The following ARMC9 variants were observed in gnomAD, a reference collection of about 807,000 sequenced individuals.
ARMC9 encodes armadillo repeat containing 9.
ARMC9 carries 94 observed loss-of-function variants against 107.0 expected under a neutral mutation model. The ratio of observed to expected loss-of-function variants is 0.88; its 90% CI spans 0.74 to 1.04. The LOEUF (loss-of-function observed/expected upper bound fraction) is 1.04, where lower values mean the gene tolerates loss of function less well. ARMC9 is among the 50% of genes least tolerant of loss of function. The probability of loss-of-function intolerance (pLI) is 0.00; values close to 1 mark genes in which losing one functional copy is unlikely to be tolerated. For missense variants in ARMC9, 942 were observed against 1,030.1 expected (o/e 0.91, Z 1.17); for synonymous variants, 380 against 396.9 (o/e 0.96, Z 0.51).
Position 231,358,538 on chromosome 2 carries a change from C to A in ARMC9, c.2132-2216C>A, listed in dbSNP as rs1378704910. On this transcript the variant is annotated intron_variant, in intron 22 of 24. Transcript: ENST00000611582. The surrounding 1 kb of genome is among the most constrained non-coding windows in gnomAD (Gnocchi z 4.5). ...CACCTTGCCCCAGGCCCATCCTGGC[C>A]CCAGGCAGCGCTCCCCACAGGTCTC... Among the ~76,000 whole-genome samples, 1 of 152,174 alleles carries A rather than the reference C, an allele frequency of 6.6e-6. No individual in the cohort carries two copies. The highest frequency in any genetic ancestry group is 1.5e-5 in the Non-Finnish European group (1 of 68,038).
chr2:231,350,185 C>G (rs1575160973), intron 21 of ARMC9, among the ~76,000 whole-genome samples: 1 of 152,030 alleles, frequency 6.6e-6, no homozygotes, highest in African/African-American at 2.4e-5. Flanking sequence ...GCCACCACAC[C>G]TGGCTAATTT....
intron 4 of ARMC9, among the ~76,000 whole-genome samples, chr2:231,215,681 G>A (rs561268266): frequency 3.3e-5 from 5 of 152,348 alleles, no homozygotes; most frequent in South Asian, 2.1e-4. Context: ...CAGAAGGGCA[G>A]CAGAGGCAAG....
intron 19 of ARMC9, among the ~76,000 whole-genome samples, chr2:231,301,999 C>A (rs62197353): frequency 6.6e-6 from 1 of 151,958 alleles, no homozygotes; most frequent in African/African-American, 2.4e-5. Flanking sequence ...TAAATATATT[C>A]GCTTTTATTT....
rs147424496 is a variant in ARMC9 at position 231,267,541 on chromosome 2, A to T, written c.1120-3441A>T. 4.1e-3 allele frequency among the ~76,000 whole-genome samples: 618 copies of T among 152,238 alleles called. 1 individual carries two copies. The highest frequency in any genetic ancestry group is 6.6e-3 in the Non-Finnish European group (447 of 68,012). On this transcript the variant is annotated intron_variant, in intron 12 of 24. Coordinates refer to ENST00000611582, the MANE Select transcript of ARMC9 (RefSeq NM_001352754.2). ...CCACTGCACCCGGCCCGGCAGCAAT[A>T]TTTATGCCTAAGGGCAATGGTGAGC...
chr2:231,321,093 A>C (rs1346194455), intron 19 of ARMC9, among the ~76,000 whole-genome samples: 2 of 152,244 alleles, frequency 1.3e-5, no homozygotes, highest in Admixed American at 6.5e-5. Context: ...TAAAGCGAGA[A>C]TATTAATACC....
At chr2:231,298,927 C>T (rs1040305857) in intron 19 of ARMC9, among the ~76,000 whole-genome samples, 4 of 152,070 alleles carry the variant, frequency 2.6e-5, no homozygotes, top group African/African-American at 9.7e-5. Flanking sequence ...AAGCAAGACC[C>T]CATCTCAAAA....
intron 9 of ARMC9, among the ~76,000 whole-genome samples, chr2:231,243,853 C>T (rs1451941678): frequency 1.3e-5 from 2 of 152,144 alleles, no homozygotes; most frequent in Non-Finnish European, 2.9e-5. Context: ...AATTAAGAAA[C>T]AGTTTAGATG....
chr2:231,336,394 G>A (rs2044090976), intron 20 of ARMC9, among the ~76,000 whole-genome samples: 2 of 152,084 alleles, frequency 1.3e-5, no homozygotes, highest in South Asian at 2.1e-4. Flanking sequence ...AGAGGAGGGC[G>A]CTGAGGCTGA....
intron 9 of ARMC9, among the ~76,000 whole-genome samples, chr2:231,245,764 G>A (rs2036703617): frequency 1.3e-5 from 2 of 152,198 alleles, no homozygotes; most frequent in East Asian, 3.8e-4. Context: ...TTGTAATGGT[G>A]TAGTATGCAT....
At chr2:231,356,017 C>T (rs576648274) in intron 22 of ARMC9, 83 bp downstream of exon 22, 13 of 1,450,324 alleles carry the variant, frequency 9.0e-6, no homozygotes, top group East Asian at 2.5e-5. Context: ...GAGTGGCAGA[C>T]GCACGTCTGC....
intron 23 of ARMC9, among the ~76,000 whole-genome samples, chr2:231,366,030 G>A (rs2045802731): frequency 6.6e-6 from 1 of 152,190 alleles, no homozygotes; most frequent in Non-Finnish European, 1.5e-5. Context: ...GGCTTAAGGT[G>A]TATTAGTTAG....
At position 231,215,312 on chromosome 2, in the gene ARMC9, T is replaced by C. The variant is rs567849334; in HGVS notation, c.348+311T>C. 1.8e-5 allele frequency: 4 copies of C among 225,634 alleles called. No individual in the cohort carries two copies. In the South Asian group the frequency reaches 3.9e-4, roughly 22 times the overall value. 14.0% of individuals were successfully genotyped at this position (225,634 alleles called of 1,614,324 possible). ...AGGCGTGTATGTCTAAGAGAACATATATTTCAGCTGCATATTAGACCCTAT... is the reference window on the plus strand; with the variant it reads ...AGGCGTGTATGTCTAAGAGAACATACATTTCAGCTGCATATTAGACCCTAT... On this transcript the variant is annotated intron_variant, in intron 4 of 24. Coordinates refer to ENST00000611582, the MANE Select transcript of ARMC9 (RefSeq NM_001352754.2).
At chr2:231,346,649 A>G (rs2044829756) in intron 21 of ARMC9, among the ~76,000 whole-genome samples, 1 of 152,314 alleles carries the variant, frequency 6.6e-6, no homozygotes, top group South Asian at 2.1e-4. Context: ...TTTTTGCTGA[A>G]CTATCTGAGA....
At chr2:231,364,116 A>G (rs753447540) in intron 23 of ARMC9, among the ~76,000 whole-genome samples, 1 of 152,244 alleles carries the variant, frequency 6.6e-6, no homozygotes, top group Non-Finnish European at 1.5e-5. Flanking sequence ...TCCAGACCAC[A>G]GAGGCTGAGT....
chr2:231,318,063 T>C (rs1575064892), intron 19 of ARMC9, among the ~76,000 whole-genome samples: 2 of 151,950 alleles, frequency 1.3e-5, no homozygotes, highest in East Asian at 3.9e-4. Context: ...CTGCTGTATC[T>C]AGTAATGCAT....
chr2:231,261,847 G>A (rs1200706865), intron 11 of ARMC9, among the ~76,000 whole-genome samples: 1 of 150,306 alleles, frequency 6.7e-6, no homozygotes, highest in Non-Finnish European at 1.5e-5. Flanking sequence ...TTTTGAGACC[G>A]AGTCTTGCTC....
chr2:231,224,355 G>A (rs553903561), intron 6 of ARMC9, among the ~76,000 whole-genome samples: 8 of 152,340 alleles, frequency 5.3e-5, no homozygotes, highest in Admixed American at 2.0e-4. Flanking sequence ...GGGGGAGACA[G>A]GTGGGCGAAT....
At chr2:231,238,780 T>C (rs2036005680) in intron 8 of ARMC9, among the ~76,000 whole-genome samples, 1 of 152,226 alleles carries the variant, frequency 6.6e-6, no homozygotes, top group African/African-American at 2.4e-5. Flanking sequence ...TCACTTCACA[T>C]GTAGCTATGT....
At chr2:231,310,107 C>T (rs1222559210) in intron 19 of ARMC9, among the ~76,000 whole-genome samples, 1 of 152,192 alleles carries the variant, frequency 6.6e-6, no homozygotes, top group Non-Finnish European at 1.5e-5. Flanking sequence ...ATTTGTTAGG[C>T]ATGGTGTATT....
Sources: gnomAD v4.1 joint callset for allele counts (sites outside exome capture counted in the v4.1 genomes callset) on GRCh38, gnomAD v4.1.1 for gene constraint, Gnocchi (gnomAD v3.1) non-coding constraint, MANE v1.5 for transcripts, NCBI Gene and HGNC (gene_info 2026-07-23, HGNC 2026-07-21) for gene names.